HACE1: variants seen among roughly 807,000 people sequenced by gnomAD.
The protein encoded by HACE1 is HECT domain and ankyrin repeat containing E3 ubiquitin protein ligase 1.
HACE1 carries 73 observed loss-of-function variants against 118.4 expected under a neutral mutation model. That is an observed-to-expected ratio of 0.62 (90% CI 0.51 to 0.75). HACE1 has a LOEUF of 0.75. Ranked by LOEUF, HACE1 falls within the 30% of genes least tolerant of loss-of-function variation. HACE1 has a pLI of 0.00. For synonymous variants in HACE1, 368 were observed against 374.8 expected (o/e 0.98, Z 0.21); for missense variants, 749 against 1,102.2 (o/e 0.68, Z 4.54).
At chr6:104,834,187 C>T (rs1172469770) in intron 5 of HACE1, among the ~76,000 whole-genome samples, 1 of 151,848 alleles carries the variant, frequency 6.6e-6, no homozygotes, top group Admixed American at 6.6e-5. Flanking sequence ...CATAATGGTT[C>T]AAAACAGTAA....
intron 7 of HACE1, 40 bp from the exon 8 acceptor site, chr6:104,797,065 TA>T (rs1421443541): frequency 9.0e-7 from 1 of 1,105,802 alleles, no homozygotes; most frequent in Non-Finnish European, 1.4e-6. Flanking sequence ...ACAATCTTTT[TA>T]AAGTCTTTCT....
intron 7 of HACE1, among the ~76,000 whole-genome samples, chr6:104,804,500 C>G (rs781745716): frequency 6.6e-6 from 1 of 152,160 alleles, no homozygotes; most frequent in Non-Finnish European, 1.5e-5. Context: ...CAGCATGGTA[C>G]TGGTACCAAG....
At chr6:104,783,756 A>C (rs1309582427) in intron 14 of HACE1, among the ~76,000 whole-genome samples, 1 of 152,224 alleles carries the variant, frequency 6.6e-6, no homozygotes, top group Non-Finnish European at 1.5e-5. Context: ...ATAAATTTCC[A>C]AAGGGCATAT....
At position 104,744,238 on chromosome 6, in the gene HACE1, C is replaced by G. The variant is rs113875487; in HGVS notation, c.2443-8G>C. 8.4e-6 allele frequency: 12 copies of G among 1,427,596 alleles called. No homozygotes were observed. The highest frequency in any genetic ancestry group is 4.7e-5 in the African/African-American group (3 of 64,222). 88.4% of individuals were successfully genotyped at this position (1,427,596 alleles called of 1,614,324 possible). A position where few individuals can be genotyped will look rare whatever the true frequency, so the allele number is the denominator to read the frequency against. On this transcript the variant is annotated splice_polypyrimidine_tract_variant and splice_region_variant and intron_variant, in intron 21 of 23. Transcript: ENST00000262903. ...TACAACTTCCCAGAACCACTAACAA[C>G]AAGAACAAAAAACTTAGCTCATATT...
At chr6:104,850,826 AATATTGTG>A in intron 3 of HACE1, 73 bp downstream of exon 3, 1 of 898,490 alleles carries the variant, frequency 1.1e-6, no homozygotes. Flanking sequence ...TCTCCCCAGA[AATATTGTG>A]TGATAATGCT....
At chr6:104,848,454 C>CAA (rs1399689721) in intron 4 of HACE1, among the ~76,000 whole-genome samples, 2 of 86,566 alleles carry the variant, frequency 2.3e-5, no homozygotes, top group African/African-American at 4.4e-5. Flanking sequence ...GACCCCATCT[C>CAA]AAAAAAAAAA....
At chr6:104,765,497 TATAGA>T (rs1247353921) in intron 19 of HACE1, among the ~76,000 whole-genome samples, 5 of 152,230 alleles carry the variant, frequency 3.3e-5, no homozygotes, top group African/African-American at 1.2e-4. Flanking sequence ...TTAACAGCAA[TATAGA>T]CTTGTTCTAG....
intron 1 of HACE1, chr6:104,858,508 TG>T: frequency 5.0e-6 from 2 of 397,152 alleles, no homozygotes; most frequent in South Asian, 1.8e-5. Context: ...AAGACCAGCC[TG>T]GGGAACATAG....
intron 20 of HACE1, among the ~76,000 whole-genome samples, chr6:104,745,455 C>CTTTTTTTTTTTTTTTTTTTTTTTTT (rs370049285): frequency 7.6e-6 from 1 of 131,980 alleles, no homozygotes; most frequent in African/African-American, 3.1e-5. Context: ...TCAGGATTTC[C>CTTTTTTTTTTTTTTTTTTTTTTTTT]TTTTTTTTTG....
chr6:104,803,378 T>C (rs1770613049), intron 7 of HACE1, among the ~76,000 whole-genome samples: 1 of 152,134 alleles, frequency 6.6e-6, no homozygotes, highest in Non-Finnish European at 1.5e-5. Context: ...GACAGCATCA[T>C]CCTGATACCA....
At chr6:104,831,986 G>GAGAAGAGAAGAGAAGA (rs1562471327) in intron 6 of HACE1, among the ~76,000 whole-genome samples, 2 of 37,404 alleles carry the variant, frequency 5.3e-5, no homozygotes, top group Admixed American at 3.4e-4. Context: ...AAGAGAGGAA[G>GAGAAGAGAAGAGAAGA]GAAGGAAGGA....
chr6:104,785,665 T>C (rs1023267760), intron 11 of HACE1: 12 of 244,492 alleles, frequency 4.9e-5, no homozygotes, highest in African/African-American at 2.8e-4. Flanking sequence ...ATAATCACCC[T>C]TAACATTTAC....
At chr6:104,812,810 G>T (rs1190801613) in intron 6 of HACE1, among the ~76,000 whole-genome samples, 1 of 152,198 alleles carries the variant, frequency 6.6e-6, no homozygotes, top group East Asian at 1.9e-4. Flanking sequence ...TATAGGAATG[G>T]TTATGTAGAG....
chr6:104,843,110 C>CA (rs568850408), intron 5 of HACE1, 113 bp downstream of exon 5: 51 of 736,122 alleles, frequency 6.9e-5, no homozygotes, highest in South Asian at 4.1e-4. Context: ...GACTCTGTCT[C>CA]AAAAAAAAGT....
intron 14 of HACE1, among the ~76,000 whole-genome samples, chr6:104,781,976 A>G (rs1233641307): frequency 6.6e-6 from 1 of 152,240 alleles, no homozygotes; most frequent in Non-Finnish European, 1.5e-5. Flanking sequence ...AATAGAAAGT[A>G]AAAAGCAGAG....
chr6:104,746,657 T>C (rs1008322966), intron 20 of HACE1, among the ~76,000 whole-genome samples: 2 of 152,206 alleles, frequency 1.3e-5, no homozygotes, highest in African/African-American at 4.8e-5. Flanking sequence ...GCTTTCCCTG[T>C]TGCCAGTCTG....
chr6:104,825,849 C>T (rs963912804), intron 6 of HACE1, among the ~76,000 whole-genome samples: 1 of 152,274 alleles, frequency 6.6e-6, no homozygotes, highest in East Asian at 1.9e-4. Flanking sequence ...GTTCAAAATG[C>T]CAAGAATCTG....
chr6:104,833,920 A>T (rs1037721477), intron 5 of HACE1, among the ~76,000 whole-genome samples: 2 of 152,084 alleles, frequency 1.3e-5, no homozygotes, highest in African/African-American at 4.8e-5. Flanking sequence ...AGGAGGCGGC[A>T]GTTGCGGTGA....
chr6:104,843,564 G>A (rs1200859193), intron 4 of HACE1, among the ~76,000 whole-genome samples: 1 of 152,158 alleles, frequency 6.6e-6, no homozygotes, highest in Non-Finnish European at 1.5e-5. Flanking sequence ...TCAAACTGTA[G>A]AGAAGTTTCT....
Sources: allele counts gnomAD v4.1 joint callset (sites outside exome capture counted in the v4.1 genomes callset), GRCh38; gene constraint gnomAD v4.1.1; transcripts MANE v1.5; gene names NCBI Gene and HGNC (gene_info 2026-07-23, HGNC 2026-07-21).